Variants in PTPRT observed in about 807,000 individuals in gnomAD.
PTPRT encodes the protein protein tyrosine phosphatase receptor type T.
A neutral mutation model predicts 176.8 loss-of-function variants in PTPRT; 56 were observed. That is an observed-to-expected ratio of 0.32 (90% CI 0.26 to 0.40). The LOEUF is 0.40. Among genes scored for constraint, PTPRT ranks in the 10% least tolerant of loss-of-function variants. PTPRT has a pLI of 1.00. For synonymous variants in PTPRT, 783 were observed against 739.0 expected (o/e 1.06, Z -0.96); for missense variants, 1,540 against 1,908.2 (o/e 0.81, Z 3.60).
intron 9 of PTPRT, among the ~76,000 whole-genome samples, chr20:42,352,983 C>T (rs1457620476): frequency 2.0e-5 from 3 of 152,126 alleles, no homozygotes; most frequent in African/African-American, 4.8e-5. Flanking sequence ...TCTTGTTGAA[C>T]CCAGTGTATC....
intron 1 of PTPRT, among the ~76,000 whole-genome samples, chr20:43,007,525 T>C (rs1444883231): frequency 6.6e-6 from 1 of 152,246 alleles, no homozygotes; most frequent in Non-Finnish European, 1.5e-5. Flanking sequence ...CTAATATTTC[T>C]CATTACGGAT....
intron 1 of PTPRT, among the ~76,000 whole-genome samples, chr20:42,912,534 G>T (rs1031105681): frequency 6.6e-6 from 1 of 152,068 alleles, no homozygotes; most frequent in Admixed American, 6.5e-5. Context: ...CATGTACATT[G>T]TTGAGTATAA....
chr20:42,557,861 CCT>C (rs2072886765), intron 7 of PTPRT, among the ~76,000 whole-genome samples: 1 of 152,208 alleles, frequency 6.6e-6, no homozygotes, highest in Admixed American at 6.6e-5. Context: ...CAGCCATTCC[CCT>C]GACCCAGGAG....
At chr20:43,044,206 C>T (rs1986743994) in intron 1 of PTPRT, among the ~76,000 whole-genome samples, 1 of 152,174 alleles carries the variant, frequency 6.6e-6, no homozygotes, top group African/African-American at 2.4e-5. Context: ...CCAGGAAGCC[C>T]AGCAGAAGGG....
chr20:42,087,409 T>TA (rs1395233956), intron 27 of PTPRT, among the ~76,000 whole-genome samples: 1 of 148,026 alleles, frequency 6.8e-6, no homozygotes, highest in African/African-American at 2.5e-5. Context: ...TTATTTTTTT[T>TA]ATTTTTATTT....
At chr20:42,454,303 C>A (rs1288556241) in intron 8 of PTPRT, among the ~76,000 whole-genome samples, 1 of 152,060 alleles carries the variant, frequency 6.6e-6, no homozygotes, top group Non-Finnish European at 1.5e-5. Flanking sequence ...TATTGGAATA[C>A]TTTTGTATAT....
chr20:43,016,107 T>C (rs1985356075), intron 1 of PTPRT, among the ~76,000 whole-genome samples: 1 of 152,082 alleles, frequency 6.6e-6, no homozygotes, highest in African/African-American at 2.4e-5. Context: ...CCTTCACTCA[T>C]AGGTCCTGTC....
chr20:42,690,577 C>A (rs1223142901), intron 6 of PTPRT, among the ~76,000 whole-genome samples: 1 of 152,170 alleles, frequency 6.6e-6, no homozygotes, highest in Non-Finnish European at 1.5e-5. Context: ...CTCCACAATG[C>A]CTGCGCAGCC....
chr20:42,177,457 G>A (rs1321238286), intron 16 of PTPRT, among the ~76,000 whole-genome samples: 1 of 152,100 alleles, frequency 6.6e-6, no homozygotes, highest in Non-Finnish European at 1.5e-5. Context: ...CTTAACCCTG[G>A]AAAGAACAGA....
intron 1 of PTPRT, among the ~76,000 whole-genome samples, chr20:42,915,892 T>C (rs886237432): frequency 1.3e-5 from 2 of 151,914 alleles, no homozygotes; most frequent in African/African-American, 4.8e-5. Flanking sequence ...TGAGTCACCA[T>C]GCCCGGCCCG....
At chr20:42,923,084 C>T (rs1449011316) in intron 1 of PTPRT, among the ~76,000 whole-genome samples, 2 of 152,284 alleles carry the variant, frequency 1.3e-5, no homozygotes, top group East Asian at 3.9e-4. Context: ...CACTCCACCC[C>T]TGCCCCATCA....
intron 9 of PTPRT, among the ~76,000 whole-genome samples, chr20:42,360,405 A>G (rs1167459767): frequency 6.6e-6 from 1 of 152,214 alleles, no homozygotes; most frequent in African/African-American, 2.4e-5. Context: ...TCAGAGTCCC[A>G]TAGCAGGGCC....
chr20:42,918,791 C>T (rs2145948638), intron 1 of PTPRT, among the ~76,000 whole-genome samples: 1 of 152,262 alleles, frequency 6.6e-6, no homozygotes, highest in South Asian at 2.1e-4. Context: ...ATGAAAAGGA[C>T]TGGTGGTACT....
chr20:42,683,708 C>A (rs542458425), intron 6 of PTPRT, among the ~76,000 whole-genome samples: 1 of 152,142 alleles, frequency 6.6e-6, no homozygotes, highest in Non-Finnish European at 1.5e-5. Context: ...ACGATTTATG[C>A]GCAACACTGT....
chr20:42,357,240 G>T (rs985880823), intron 9 of PTPRT, among the ~76,000 whole-genome samples: 7 of 152,082 alleles, frequency 4.6e-5, no homozygotes, highest in African/African-American at 1.4e-4. Flanking sequence ...TGGACTTATG[G>T]CTACTCTCAC....
chr20:42,049,026 G>T, the PTPRT span, among the ~76,000 whole-genome samples: 1 of 151,992 alleles, frequency 6.6e-6, no homozygotes, highest in African/African-American at 2.4e-5. Context: ...TCACCATGTT[G>T]GTCAGCTGGT....
intron 12 of PTPRT, among the ~76,000 whole-genome samples, chr20:42,305,112 G>A (rs1339622742): frequency 6.6e-6 from 1 of 152,122 alleles, no homozygotes; most frequent in East Asian, 1.9e-4. Flanking sequence ...CAGCACTTTG[G>A]GAGGCTGAGG....
chr20:43,126,647 A>G (rs956562535), intron 1 of PTPRT, among the ~76,000 whole-genome samples: 2 of 152,274 alleles, frequency 1.3e-5, no homozygotes, highest in African/African-American at 2.4e-5. Flanking sequence ...TACAAAGGTC[A>G]GAGCCCAGGC....
chr20:42,178,308 G>A (rs1990377579), intron 16 of PTPRT, among the ~76,000 whole-genome samples: 1 of 152,100 alleles, frequency 6.6e-6, no homozygotes, highest in Non-Finnish European at 1.5e-5. Flanking sequence ...ATAAAGGTGT[G>A]CAAGTCATAA....
Sources: gnomAD v4.1 joint callset for allele counts (sites outside exome capture counted in the v4.1 genomes callset) on GRCh38, gnomAD v4.1.1 for gene constraint, MANE v1.5 for transcripts, NCBI Gene and HGNC (gene_info 2026-07-23, HGNC 2026-07-21) for gene names.